CORO2A: variants seen among roughly 807,000 people sequenced by gnomAD.
CORO2A encodes coronin 2A.
Under a neutral mutation model 62.4 loss-of-function variants are expected in CORO2A, and 47 were observed. That is an observed-to-expected ratio of 0.75 (90% CI 0.60 to 0.96). The LOEUF (loss-of-function observed/expected upper bound fraction) is 0.96, where lower values mean the gene tolerates loss of function less well. Among genes scored for constraint, CORO2A ranks in the 40% least tolerant of loss-of-function variants. The pLI is 0.00. For synonymous variants in CORO2A, 273 were observed against 268.9 expected (o/e 1.02, Z -0.15); for missense variants, 610 against 684.1 (o/e 0.89, Z 1.21).
rs571671366 is a variant in CORO2A, at chr9:98,182,650, T to C, written c.-1+9909A>G. On this transcript the variant is annotated intron_variant, in intron 1 of 11. Coordinates refer to ENST00000375077, the MANE Select transcript of CORO2A (RefSeq NM_052820.4). The stretch of plus-strand genomic sequence containing the variant: ...CAGGTTCAAAGCCCAGCTTTGCCTC[T>C]TGCTGGCTGCGTGACCTTGCAAATT... 2.6e-5 allele frequency among the ~76,000 whole-genome samples: 4 copies of C among 152,352 alleles called. No individual in the cohort carries two copies. In the South Asian group the frequency reaches 6.2e-4, roughly 24 times the overall value.
chr9:98,146,851 A>C (rs1827649760), intron 2 of CORO2A, among the ~76,000 whole-genome samples: 1 of 152,196 alleles, frequency 6.6e-6, no homozygotes, highest in Admixed American at 6.5e-5. Context: ...AATGTTCATA[A>C]GGTATCAGCA....
rs1002207107 is a variant in CORO2A at position 98,132,391 on chromosome 9, C to T, written c.649-90G>A. ...GGCCTCCCTGCTTTGCTTATGCCAC[C>T]GCTCCACCTGGGAGGCCTCCCTTTC... On this transcript the variant is annotated intron_variant, in intron 5 of 11. Transcript: ENST00000375077. 6.4e-5 allele frequency: 66 copies of T among 1,034,366 alleles called. 2 individuals carry two copies. The highest frequency in any genetic ancestry group is 1.7e-4 in the South Asian group (13 of 74,552). 64.1% of individuals were successfully genotyped at this position (1,034,366 alleles called of 1,614,324 possible).
intron 2 of CORO2A, among the ~76,000 whole-genome samples, chr9:98,140,518 G>A (rs1303650683): frequency 6.6e-6 from 1 of 151,574 alleles, no homozygotes; most frequent in Non-Finnish European, 1.5e-5. Context: ...ATGATTCACT[G>A]TAGCCTCGAA....
chr9:98,124,820 A>G lies in CORO2A; in HGVS notation c.1532T>C (p.Leu511Ser). The G allele has an allele frequency of 1.9e-6, 3 of 1,610,522 alleles. No individual in the cohort carries two copies. The highest frequency in any genetic ancestry group is 2.5e-6 in the Non-Finnish European group (3 of 1,178,300). ...CCGCAAGTTTTTGATCTCCAGTTCCAACTGTTTGGCCTGGACCTCTCGCTG... is the reference window on the plus strand; with the variant it reads ...CCGCAAGTTTTTGATCTCCAGTTCCGACTGTTTGGCCTGGACCTCTCGCTG... ...LTQREVQAKQ[L>S]ELEIKNLRMG... is the part of the protein sequence containing the mutation. The change falls in exon 12 of 12, where the codon TTG becomes TCG. Residue 511 changes from leucine (L) to serine (S), a missense_variant. Physicochemically the swap from Leu to Ser is moderately radical, Grantham distance 145 (BLOSUM62 -2). Coordinates refer to ENST00000375077, the MANE Select transcript of CORO2A (RefSeq NM_052820.4).
At chr9:98,170,863 C>T (rs545479182) in intron 1 of CORO2A, among the ~76,000 whole-genome samples, 19 of 152,304 alleles carry the variant, frequency 1.2e-4, no homozygotes, top group African/African-American at 2.6e-4. Flanking sequence ...CCTGTTAGGA[C>T]GGTCTGTGGA....
chr9:98,125,034 C>T, intron 11 of CORO2A, 129 bp from the exon 12 acceptor site: 2 of 939,304 alleles, frequency 2.1e-6, no homozygotes, highest in Non-Finnish European at 3.2e-6. Flanking sequence ...CCTGATGGGG[C>T]TGTCACTGCA....
Position 98,157,532 on chromosome 9 carries a change from C to A in CORO2A, c.129G>T (p.Val43=), listed in dbSNP as rs758879298. The change falls in exon 2 of 12, where the codon GTG becomes GTT. Residue 43 remains valine (V), a synonymous_variant. Coordinates refer to ENST00000375077, the MANE Select transcript of CORO2A (RefSeq NM_052820.4). ...RSVHDNHFCA[V]NPHFIAVVTE... is the part of the protein sequence containing the mutation. ...TCACAACTGCAATGAAGTGGGGGTT[C>A]ACGGCACAGAAGTGGTTGTCGTGAA... 3 of 1,614,198 alleles carry A rather than the reference C, an allele frequency of 1.9e-6. No homozygotes were observed. Among genetic ancestry groups the A allele is most frequent in the Non-Finnish European group, 2.5e-6 (3 of 1,180,044 alleles).
At chr9:98,148,297 A>G (rs1827671155) in intron 2 of CORO2A, among the ~76,000 whole-genome samples, 1 of 150,642 alleles carries the variant, frequency 6.6e-6, no homozygotes, top group Non-Finnish European at 1.5e-5. Context: ...TGGGAGGCTG[A>G]GGCAGGAGAG....
In CORO2A at chr9:98,137,616, G is replaced by C. The variant is rs1367072966; in HGVS notation, c.274C>G (p.Pro92Ala). ...RGNVLDVKWN[P>A]FDDFEIASCS... ...GAGGCGATCTCAAAATCATCAAAAG[G>C]GTTCCACTTGACATCCAAAACGTTG... Residue 92 changes from proline to alanine, a missense_variant, in exon 3 of 12, where the codon CCT becomes GCT. Transcript: ENST00000375077. 3.1e-6 allele frequency: 5 copies of C among 1,614,084 alleles called. No individual in the cohort carries two copies. The African/African-American group carries it at 5.3e-5, about 17-fold the overall frequency.
At chr9:98,131,182 G>A in intron 6 of CORO2A, 123 bp from the exon 7 acceptor site, 2 of 656,620 alleles carry the variant, frequency 3.0e-6, no homozygotes, top group Non-Finnish European at 5.4e-6. Context: ...GAGAAAAAGT[G>A]TGATTTTTTT....
At chr9:98,160,902 G>A (rs1469232343) in intron 1 of CORO2A, among the ~76,000 whole-genome samples, 1 of 152,148 alleles carries the variant, frequency 6.6e-6, no homozygotes, top group Non-Finnish European at 1.5e-5. Context: ...AAGCACATGA[G>A]ACCTGCCTGT....
In CORO2A at chr9:98,143,040, T is replaced by C. The variant is rs72755479; in HGVS notation, c.202-5352A>G. On this transcript the variant is annotated intron_variant, in intron 2 of 11. Coordinates refer to ENST00000375077, the MANE Select transcript of CORO2A (RefSeq NM_052820.4). ...GAGGCCATTTCCACCTTCTGCCCATTAGGCCAGCACTCAGCCAGAAACAGG... is the reference window on the plus strand; with the variant it reads ...GAGGCCATTTCCACCTTCTGCCCATCAGGCCAGCACTCAGCCAGAAACAGG... Among the ~76,000 whole-genome samples, 639 of 152,292 alleles carry C rather than the reference T, an allele frequency of 4.2e-3. 1 individual carries two copies. Among genetic ancestry groups the C allele is most frequent in the Non-Finnish European group, 6.7e-3 (459 of 68,018 alleles).
At chr9:98,163,777 A>C (rs1319299604) in intron 1 of CORO2A, among the ~76,000 whole-genome samples, 1 of 148,466 alleles carries the variant, frequency 6.7e-6, no homozygotes, top group Non-Finnish European at 1.5e-5. Context: ...AGAGAGAGAA[A>C]GAGACAGAGA....
Position 98,129,905 on chromosome 9 carries a change from A to T in CORO2A, c.871-15T>A. 6.2e-7 allele frequency: 1 copy of T among 1,600,466 alleles called. No individual in the cohort carries two copies. The highest frequency in any genetic ancestry group is 8.6e-7 in the Non-Finnish European group (1 of 1,168,312). On this transcript the variant is annotated splice_polypyrimidine_tract_variant and intron_variant, in intron 7 of 11. Transcript: ENST00000375077. The stretch of plus-strand genomic sequence containing the variant: ...TTGCCATCTCCCTGAGGAGGAGGAG[A>T]AGGAAGAGGAGGGTGAGATTCAGAG...
chr9:98,151,517 T>C (rs1458074227), intron 2 of CORO2A, among the ~76,000 whole-genome samples: 1 of 152,242 alleles, frequency 6.6e-6, no homozygotes, highest in Non-Finnish European at 1.5e-5. Context: ...TGTGTTCTGA[T>C]TCTTGTATCC....
intron 3 of CORO2A, 133 bp downstream of exon 3, chr9:98,137,439 C>T: frequency 2.7e-6 from 2 of 736,124 alleles, no homozygotes; most frequent in Admixed American, 2.0e-5. Context: ...CTTAACTTAA[C>T]ACCTCCCCAC....
intron 1 of CORO2A, among the ~76,000 whole-genome samples, chr9:98,163,271 C>T (rs908151666): frequency 6.6e-6 from 1 of 152,194 alleles, no homozygotes; most frequent in Admixed American, 6.5e-5. Flanking sequence ...CTCACTGCAA[C>T]CTCTGCCTCC....
At chr9:98,125,397 G>A (rs1394521623) in intron 11 of CORO2A, among the ~76,000 whole-genome samples, 2 of 152,160 alleles carry the variant, frequency 1.3e-5, no homozygotes, top group Non-Finnish European at 2.9e-5. Flanking sequence ...CCGTACCACC[G>A]TGGAAACGGA....
At chr9:98,143,231 CAGG>C (rs548561073) in intron 2 of CORO2A, among the ~76,000 whole-genome samples, 91 of 152,328 alleles carry the variant, frequency 6.0e-4, no homozygotes, top group Middle Eastern at 3.4e-3. Context: ...CAGAAGGACC[CAGG>C]AGGAGTCAGG....
Sources: gnomAD v4.1 joint callset for allele counts (sites outside exome capture counted in the v4.1 genomes callset) on GRCh38, gnomAD v4.1.1 for gene constraint, MANE v1.5 for transcripts, NCBI Gene and HGNC (gene_info 2026-07-23, HGNC 2026-07-21) for gene names.